Variants in NIPAL2 observed in about 807,000 individuals in gnomAD.
The protein encoded by NIPAL2 is NIPA like domain containing 2.
In NIPAL2, 43 loss-of-function variants were observed where a neutral mutation model predicts 48.9. The ratio of observed to expected loss-of-function variants is 0.88; its 90% confidence interval spans 0.69 to 1.13. The LOEUF (loss-of-function observed/expected upper bound fraction) is 1.13. NIPAL2 is among the 50% of genes most tolerant of loss of function. The probability of loss-of-function intolerance (pLI) is 0.00; values close to 1 mark genes in which losing one functional copy is unlikely to be tolerated. For missense variants in NIPAL2, 446 were observed against 461.4 expected (o/e 0.97, Z 0.31); for synonymous variants, 167 against 174.6 (o/e 0.96, Z 0.34).
At chr8:98,282,878 A>C (rs1317652340) in intron 1 of NIPAL2, among the ~76,000 whole-genome samples, 1 of 152,192 alleles carries the variant, frequency 6.6e-6, no homozygotes, top group Non-Finnish European at 1.5e-5. Context: ...AAAAAGAAGA[A>C]AGAAAAATTT....
intron 1 of NIPAL2, among the ~76,000 whole-genome samples, chr8:98,286,817 A>C (rs980256450): frequency 3.4e-5 from 5 of 145,394 alleles, no homozygotes; most frequent in Admixed American, 1.3e-4. Flanking sequence ...TCTGTCAAAA[A>C]AAAAAAAAAA....
intron 4 of NIPAL2, among the ~76,000 whole-genome samples, chr8:98,234,612 A>G (rs757421219): frequency 3.6e-4 from 55 of 152,156 alleles, no homozygotes; most frequent in Middle Eastern, 3.4e-3. Flanking sequence ...CAGTGGTGCA[A>G]TCTTGGTTCA....
intron 3 of NIPAL2, chr8:98,252,230 C>G (rs1021478698): frequency 1.9e-5 from 8 of 431,390 alleles, no homozygotes; most frequent in African/African-American, 1.6e-4. Context: ...AAGACTCAGG[C>G]ATCAGGCTTT....
chr8:98,262,983 A>C (rs1361091534), intron 1 of NIPAL2, among the ~76,000 whole-genome samples: 1 of 148,436 alleles, frequency 6.7e-6, no homozygotes, highest in Admixed American at 6.7e-5. Context: ...CTCACTCAAA[A>C]CCGCTCAACT....
intron 1 of NIPAL2, among the ~76,000 whole-genome samples, chr8:98,286,043 G>A (rs546816259): frequency 7.2e-5 from 11 of 152,226 alleles, no homozygotes; most frequent in Admixed American, 2.6e-4. Context: ...CTTCATGAGC[G>A]GATTAATGTC....
intron 6 of NIPAL2, among the ~76,000 whole-genome samples, chr8:98,207,193 C>T (rs116126298): frequency 2.0e-3 from 312 of 152,240 alleles, no homozygotes; most frequent in East Asian, 8.1e-3. Context: ...TTGCAAAGGA[C>T]CTTAAAGGTC....
intron 6 of NIPAL2, among the ~76,000 whole-genome samples, chr8:98,207,396 G>GA (rs1401562859): frequency 6.6e-6 from 1 of 152,152 alleles, no homozygotes; most frequent in Non-Finnish European, 1.5e-5. Flanking sequence ...CTGGTGTTGA[G>GA]TACTTCTAAG....
At chr8:98,218,295 C>A (rs750798419) in intron 5 of NIPAL2, among the ~76,000 whole-genome samples, 2 of 152,146 alleles carry the variant, frequency 1.3e-5, no homozygotes, top group Non-Finnish European at 2.9e-5. Flanking sequence ...TCTGGACTAT[C>A]ATGAAATTTT....
At position 98,193,089 on chromosome 8, in the gene NIPAL2, C is replaced by A. The variant is rs1810374113; in HGVS notation, c.1041G>T (p.Gly347=). The change falls in exon 11 of 11, where the codon GGG becomes GGT. Residue 347 remains glycine, a splice_region_variant and synonymous_variant. Transcript: ENST00000430223. ...GTTGTATTTTGTCCAACATTTGTTT[C>A]CCTGTGGAGATAATAATCATAGAGA... ...QSYIDFGNIP[G]KQMLDKIQPD... is the part of the protein sequence containing the mutation. The A allele has an allele frequency of 7.5e-6, 12 of 1,606,366 alleles. No homozygotes were observed. Among genetic ancestry groups the A allele is most frequent in the Non-Finnish European group, 1.0e-5 (12 of 1,173,168 alleles).
intron 8 of NIPAL2, among the ~76,000 whole-genome samples, chr8:98,201,114 T>C (rs967611306): frequency 1.3e-5 from 2 of 152,186 alleles, no homozygotes; most frequent in South Asian, 2.1e-4. Context: ...CTTATCAGCA[T>C]TGGATATTGC....
chr8:98,239,574 T>G (rs1289108893), intron 3 of NIPAL2, among the ~76,000 whole-genome samples: 2 of 152,212 alleles, frequency 1.3e-5, no homozygotes, highest in Admixed American at 1.3e-4. Context: ...TTGTCAGAAT[T>G]TTATGAAACA....
At chr8:98,215,797 G>A (rs1178696228) in intron 5 of NIPAL2, among the ~76,000 whole-genome samples, 1 of 152,156 alleles carries the variant, frequency 6.6e-6, no homozygotes, top group Non-Finnish European at 1.5e-5. Context: ...AAAAGTTCCT[G>A]GGCCTTGTAC....
chr8:98,277,988 A>G (rs1306666241), intron 1 of NIPAL2, among the ~76,000 whole-genome samples: 1 of 152,158 alleles, frequency 6.6e-6, no homozygotes, highest in African/African-American at 2.4e-5. Flanking sequence ...AGCTCTTTCA[A>G]TAAAATTCTT....
At chr8:98,245,224 C>A (rs75639267) in intron 3 of NIPAL2, among the ~76,000 whole-genome samples, 5,687 of 152,286 alleles carry the variant, frequency 0.037, 173 homozygotes, top group South Asian at 0.11. Flanking sequence ...AACACGTGGA[C>A]ACATCGAGCG....
At chr8:98,282,535 T>C (rs1246948545) in intron 1 of NIPAL2, among the ~76,000 whole-genome samples, 1 of 152,078 alleles carries the variant, frequency 6.6e-6, no homozygotes, top group African/African-American at 2.4e-5. Context: ...CAGCTGGGCG[T>C]GGTGGCACGC....
chr8:98,291,013 T>C (rs1816460802), intron 1 of NIPAL2, among the ~76,000 whole-genome samples: 1 of 152,240 alleles, frequency 6.6e-6, no homozygotes, highest in African/African-American at 2.4e-5. Flanking sequence ...AGGCTGGATT[T>C]AGTCCACAGC....
chr8:98,233,826 T>C (rs1275246738), intron 4 of NIPAL2, among the ~76,000 whole-genome samples: 1 of 152,254 alleles, frequency 6.6e-6, no homozygotes, highest in African/African-American at 2.4e-5. Flanking sequence ...AAATAGAAAC[T>C]TACTTTACCT....
At chr8:98,198,047 C>A (rs773681960) in intron 8 of NIPAL2, among the ~76,000 whole-genome samples, 1 of 152,246 alleles carries the variant, frequency 6.6e-6, no homozygotes, top group Non-Finnish European at 1.5e-5. Context: ...ATGACAGCTA[C>A]AGCCTTACAA....
At position 98,193,195 on chromosome 8, in the gene NIPAL2, C is replaced by G. The variant is rs3735886; in HGVS notation, c.1040-105G>C. ...CACATTTTATCACCTCTCTTTTATA[C>G]TATGTGGGCACTCTCTAAAGAGAAG... On this transcript the variant is annotated intron_variant, in intron 10 of 10. Transcript: ENST00000430223. The G allele has an allele frequency of 1.1e-3, 1,167 of 1,070,816 alleles. 15 individuals are homozygous for G. In the East Asian group the frequency reaches 0.023, roughly 21 times the overall value. The allele number at this position is 1,070,816 out of a possible 1,614,324, so 66.3% of individuals were successfully genotyped here. A position where few individuals can be genotyped will look rare whatever the true frequency, so the allele number is the denominator to read the frequency against.
Sources: gnomAD v4.1 joint callset for allele counts (sites outside exome capture counted in the v4.1 genomes callset) on GRCh38, gnomAD v4.1.1 for gene constraint, MANE v1.5 for transcripts, NCBI Gene and HGNC (gene_info 2026-07-23, HGNC 2026-07-21) for gene names.